TNIP3: variants seen among roughly 807,000 people sequenced by gnomAD.
TNIP3 encodes the protein TNFAIP3 interacting protein 3.
TNIP3 carries 34 observed loss-of-function variants against 54.1 expected under a neutral mutation model. That is an observed-to-expected ratio of 0.63 (90% CI 0.48 to 0.84). The LOEUF is 0.84. TNIP3 is among the 40% of genes least tolerant of loss of function. The pLI is 0.00. For synonymous variants in TNIP3, 134 were observed against 136.8 expected (o/e 0.98, Z 0.14); for missense variants, 366 against 387.6 (o/e 0.94, Z 0.47).
intron 7 of TNIP3, among the ~76,000 whole-genome samples, chr4:121,146,636 T>C (rs1280720927): frequency 1.3e-5 from 2 of 152,192 alleles, no homozygotes; most frequent in Admixed American, 6.5e-5. Flanking sequence ...GTCTCACATA[T>C]AAATGGCATT....
intron 2 of TNIP3, among the ~76,000 whole-genome samples, chr4:121,193,378 A>G (rs1725402989): frequency 6.6e-6 from 1 of 152,184 alleles, no homozygotes; most frequent in Non-Finnish European, 1.5e-5. Flanking sequence ...CAATATCAAA[A>G]TATGTAATAA....
intron 2 of TNIP3, among the ~76,000 whole-genome samples, chr4:121,203,086 A>G (rs1469035988): frequency 1.3e-5 from 2 of 152,310 alleles, no homozygotes; most frequent in East Asian, 3.9e-4. Flanking sequence ...ATATCTACCC[A>G]GAGGAAAGGA....
chr4:121,146,954 A>G, intron 7 of TNIP3, 95 bp downstream of exon 7: 1 of 1,408,708 alleles, frequency 7.1e-7, no homozygotes, highest in Non-Finnish European at 9.5e-7. Context: ...AAAAAAATTC[A>G]ATGTCAATTA....
At chr4:121,153,246 T>A (rs934304586) in intron 5 of TNIP3, among the ~76,000 whole-genome samples, 5 of 152,224 alleles carry the variant, frequency 3.3e-5, no homozygotes, top group African/African-American at 9.6e-5. Flanking sequence ...CTTGAAACAA[T>A]TTTCTGTGAA....
chr4:121,158,600 T>C (rs569654554), intron 3 of TNIP3, 87 bp downstream of exon 3: 1 of 1,078,250 alleles, frequency 9.3e-7, no homozygotes, highest in East Asian at 2.4e-5. Flanking sequence ...AAGCTCTTTG[T>C]AGCTGAAATG....
chr4:121,147,379 T>C (rs543725982), intron 6 of TNIP3, among the ~76,000 whole-genome samples: 75 of 152,272 alleles, frequency 4.9e-4, no homozygotes, highest in African/African-American at 1.8e-3. Context: ...TAAAAGACAG[T>C]TTACTGACAA....
At chr4:121,136,356 AG>A (rs1728784031) in intron 10 of TNIP3, among the ~76,000 whole-genome samples, 1 of 152,212 alleles carries the variant, frequency 6.6e-6, no homozygotes, top group Non-Finnish European at 1.5e-5. Context: ...GTACAGTAAG[AG>A]GGGCACTGTA....
chr4:121,212,684 A>C (rs982071999), intron 2 of TNIP3, among the ~76,000 whole-genome samples: 3 of 152,346 alleles, frequency 2.0e-5, no homozygotes, highest in African/African-American at 7.2e-5. Context: ...TACTTAACAA[A>C]ACAATATGAA....
intron 9 of TNIP3, among the ~76,000 whole-genome samples, chr4:121,140,222 C>G (rs1242802865): frequency 1.3e-5 from 2 of 151,958 alleles, no homozygotes; most frequent in African/African-American, 4.8e-5. Flanking sequence ...TAGTCCCAGC[C>G]AGTCGGGAGG....
At chr4:121,176,538 G>A (rs1307552434) in intron 3 of TNIP3, among the ~76,000 whole-genome samples, 1 of 151,834 alleles carries the variant, frequency 6.6e-6, no homozygotes, top group South Asian at 2.1e-4. Context: ...TGATGATGAT[G>A]ATGATGATGA....
At chr4:121,215,749 C>A (rs1726754215) in intron 2 of TNIP3, among the ~76,000 whole-genome samples, 1 of 152,000 alleles carries the variant, frequency 6.6e-6, no homozygotes, top group African/African-American at 2.4e-5. Context: ...GAGCATCCTA[C>A]CATATATGAT....
intron 2 of TNIP3, among the ~76,000 whole-genome samples, chr4:121,213,439 T>C (rs1357914922): frequency 1.3e-5 from 2 of 152,030 alleles, no homozygotes; most frequent in African/African-American, 4.8e-5. Flanking sequence ...AAAAAAGACA[T>C]TCTTCAGCCA....
intron 10 of TNIP3, among the ~76,000 whole-genome samples, chr4:121,134,693 A>G (rs889848457): frequency 1.3e-5 from 2 of 152,186 alleles, no homozygotes; most frequent in African/African-American, 4.8e-5. Context: ...AAAGCTGGAA[A>G]TTAGTTGACT....
chr4:121,158,920 C>T (rs922510847), intron 2 of TNIP3, among the ~76,000 whole-genome samples, 168 bp from the exon 3 acceptor site: 5 of 152,172 alleles, frequency 3.3e-5, no homozygotes, highest in African/African-American at 1.2e-4. Flanking sequence ...ATTGAACACA[C>T]TCTCACTGTT....
At position 121,164,261 on chromosome 4, in the gene TNIP3, A is replaced by G. The variant is rs1289798578; in HGVS notation, c.-136T>C. On this transcript the variant is annotated 5_prime_UTR_variant, in exon 1 of 11. Transcript: ENST00000057513. Reference sequence around the variant, plus strand: ...CACCGTTAACTCATAATAGAAAATAACAGCAATAGGTTTTCATTAAAAATG... The same window carrying G: ...CACCGTTAACTCATAATAGAAAATAGCAGCAATAGGTTTTCATTAAAAATG... 6.8e-7 allele frequency: 1 copy of G among 1,480,510 alleles called. No individual in the cohort carries two copies. The highest frequency in any genetic ancestry group is 8.9e-7 in the Non-Finnish European group (1 of 1,119,040). 91.7% of individuals were successfully genotyped at this position (1,480,510 alleles called of 1,614,324 possible). A position where few individuals can be genotyped will look rare whatever the true frequency, so the allele number is the denominator to read the frequency against.
In TNIP3 at chr4:121,147,120, TAA is replaced by T; in HGVS notation, c.662_663del (p.Leu221GlnfsTer11). The T allele has an allele frequency of 6.2e-7, 1 of 1,613,570 alleles. No homozygotes were observed. Among genetic ancestry groups the T allele is most frequent in the South Asian group, 1.1e-5 (1 of 90,994 alleles). On this transcript the variant is annotated frameshift_variant, in exon 7 of 11. Coordinates refer to ENST00000057513, the MANE Select transcript of TNIP3 (RefSeq NM_024873.6). LOFTEE classifies it high-confidence loss of function. The part of the protein sequence containing the change: ...FKKERSDRER[L>X]NQEKEELQQI... ...TGCTGTAGCTCCTCTTTCTCTTGAT[TAA>T]GTCTCTCTCGATCCGATCGTTCCTT...
chr4:121,156,833 TGGAA>T (rs751937765), intron 4 of TNIP3, among the ~76,000 whole-genome samples: 2 of 152,192 alleles, frequency 1.3e-5, no homozygotes, highest in Non-Finnish European at 2.9e-5. Context: ...TTCTTCTTCC[TGGAA>T]GGGACTGGGG....
chr4:121,143,460 C>G (rs1729238388), intron 7 of TNIP3, among the ~76,000 whole-genome samples: 1 of 152,134 alleles, frequency 6.6e-6, no homozygotes, highest in African/African-American at 2.4e-5. Flanking sequence ...GTCAAATATC[C>G]CCTTCTGAAT....
chr4:121,193,767 G>A (rs1725424297), intron 2 of TNIP3, among the ~76,000 whole-genome samples: 1 of 152,068 alleles, frequency 6.6e-6, no homozygotes, highest in Non-Finnish European at 1.5e-5. Context: ...CACCTGTAAT[G>A]AGAAAAATCC....
Sources: allele counts gnomAD v4.1 joint callset (sites outside exome capture counted in the v4.1 genomes callset), GRCh38; gene constraint gnomAD v4.1.1; transcripts MANE v1.5; gene names NCBI Gene and HGNC (gene_info 2026-07-23, HGNC 2026-07-21).